The following ZFHX3 variants were observed in gnomAD, a reference collection of about 807,000 sequenced individuals.
ZFHX3 encodes zinc finger homeobox protein 3.
A neutral mutation model predicts 279.1 loss-of-function variants in ZFHX3; 42 were observed. That is an observed-to-expected ratio of 0.15 (90% CI 0.12 to 0.19). The LOEUF is 0.19. ZFHX3 is among the 10% of genes least tolerant of loss of function. The pLI is 1.00. For synonymous variants in ZFHX3, 2,293 were observed against 1,957.8 expected, an observed-to-expected ratio of 1.17 and a Z score of -4.52; for missense variants, 4,981 against 4,754.0, an observed-to-expected ratio of 1.05 and a Z score of -1.40.
At chr16:72,860,233 C>G (rs900466926) in intron 4 of ZFHX3, among the ~76,000 whole-genome samples, 3 of 152,124 alleles carry the variant, frequency 2.0e-5, no homozygotes, top group African/African-American at 7.2e-5. Flanking sequence ...CCCTGCAGAG[C>G]TGGTTCTGGG....
At chr16:73,165,254 G>C (rs910964330) in intron 5 of ZFHX3, among the ~76,000 whole-genome samples, 17 of 152,180 alleles carry the variant, frequency 1.1e-4, no homozygotes, top group Non-Finnish European at 2.1e-4. Context: ...GCCGGCAGCT[G>C]GGAGGAAAAA....
rs1391375433 is a variant in ZFHX3 at position 72,794,003 on chromosome 16, A to C, written c.8679T>G (p.Gly2893=). Reference sequence around the variant, plus strand: ...AAAAGCTCGGGGCCGGGCTGACCAGACCAGATGACAACCGATCTTCATACT... The same window carrying C: ...AAAAGCTCGGGGCCGGGCTGACCAGCCCAGATGACAACCGATCTTCATACT... The part of the protein sequence containing the change: ...MSEYEDRLSS[G]LVSPAPSFYS... Residue 2893 remains glycine (G), a synonymous_variant, in exon 9 of 10, where the codon GGT becomes GGG. Transcript: ENST00000268489. This position sits in a 1 kb window ranked among gnomAD's most constrained non-coding sequence, Gnocchi z 4.2. 10 of 1,614,138 alleles carry C rather than the reference A, an allele frequency of 6.2e-6. No individual in the cohort carries two copies. Among genetic ancestry groups the C allele is most frequent in the Non-Finnish European group, 8.5e-6 (10 of 1,180,014 alleles).
chr16:73,385,312 G>T (rs187783998), intron 3 of ZFHX3, among the ~76,000 whole-genome samples: 28 of 152,170 alleles, frequency 1.8e-4, no homozygotes, highest in African/African-American at 6.5e-4. Context: ...AAAACTTTCC[G>T]TCTGACTGTG....
intron 3 of ZFHX3, among the ~76,000 whole-genome samples, chr16:72,934,353 G>A (rs550398167): frequency 4.4e-4 from 67 of 152,220 alleles, no homozygotes; most frequent in African/African-American, 1.5e-3. Context: ...ACTTGAACCC[G>A]GGAGGCGAAG....
intron 3 of ZFHX3, among the ~76,000 whole-genome samples, chr16:73,341,070 C>T (rs1009957881): frequency 6.6e-6 from 1 of 152,102 alleles, no homozygotes; most frequent in Non-Finnish European, 1.5e-5. Context: ...GAGCCGGATG[C>T]GGTGGCTCAC....
intron 2 of ZFHX3, among the ~76,000 whole-genome samples, chr16:72,951,380 C>T (rs1002343736): frequency 6.6e-6 from 1 of 152,110 alleles, no homozygotes; most frequent in Non-Finnish European, 1.5e-5. Context: ...CCTGCCTCAG[C>T]CTCCCAAGTA....
intron 1 of ZFHX3, among the ~76,000 whole-genome samples, chr16:73,768,092 C>T (rs946175038): frequency 2.6e-5 from 4 of 152,310 alleles, no homozygotes; most frequent in African/African-American, 9.6e-5. Flanking sequence ...AGTGATGCTA[C>T]CAACCCTTGG....
At chr16:73,635,113 A>G (rs1197362017) in intron 2 of ZFHX3, among the ~76,000 whole-genome samples, 1 of 152,178 alleles carries the variant, frequency 6.6e-6, no homozygotes, top group Non-Finnish European at 1.5e-5. Flanking sequence ...GAGGTAGAGG[A>G]GAAAACTCAA....
At chr16:73,068,808 T>C (rs878891027) in intron 8 of ZFHX3, among the ~76,000 whole-genome samples, 4 of 152,316 alleles carry the variant, frequency 2.6e-5, no homozygotes, top group East Asian at 3.9e-4. Flanking sequence ...TCCTGGTCAC[T>C]TGAGTGCTCC....
chr16:73,871,335 G>A (rs867283388), intron 1 of ZFHX3, among the ~76,000 whole-genome samples: 19 of 152,158 alleles, frequency 1.2e-4, no homozygotes, highest in Admixed American at 9.2e-4. Context: ...ATTTTAAACC[G>A]CCTGTCCGCA....
intron 1 of ZFHX3, among the ~76,000 whole-genome samples, chr16:72,983,488 C>G (rs1281263557): frequency 3.9e-5 from 6 of 152,300 alleles, no homozygotes; most frequent in Non-Finnish European, 8.8e-5. Context: ...GGGAGGATCA[C>G]TTGAGCCTGG....
At chr16:73,587,708 T>A (rs556277192) in intron 2 of ZFHX3, among the ~76,000 whole-genome samples, 1 of 152,204 alleles carries the variant, frequency 6.6e-6, no homozygotes, top group East Asian at 1.9e-4. Flanking sequence ...AATAGAGAAA[T>A]AGTAATTGGA....
intron 3 of ZFHX3, among the ~76,000 whole-genome samples, chr16:73,361,820 T>C (rs949895090): frequency 4.6e-5 from 7 of 152,218 alleles, no homozygotes; most frequent in African/African-American, 1.7e-4. Context: ...ACCGCCTTGA[T>C]GTATTTGAAG....
intron 8 of ZFHX3, among the ~76,000 whole-genome samples, chr16:73,088,309 C>A (rs1194595385): frequency 6.6e-6 from 1 of 151,704 alleles, no homozygotes; most frequent in Admixed American, 6.6e-5. Flanking sequence ...CCATGCCCAG[C>A]TAATTTTTGT....
chr16:73,186,640 A>G (rs556118326), intron 5 of ZFHX3, among the ~76,000 whole-genome samples: 53 of 152,060 alleles, frequency 3.5e-4, no homozygotes, highest in African/African-American at 1.2e-3. Context: ...TTCATGAAAA[A>G]CATATCTTTT....
At chr16:73,764,747 T>G (rs2053910325) in intron 1 of ZFHX3, among the ~76,000 whole-genome samples, 1 of 152,148 alleles carries the variant, frequency 6.6e-6, no homozygotes. Flanking sequence ...TAGACAGCCT[T>G]TGTAATACTG....
intron 2 of ZFHX3, among the ~76,000 whole-genome samples, chr16:73,636,847 C>A (rs553006976): frequency 2.0e-5 from 3 of 152,036 alleles, no homozygotes; most frequent in Admixed American, 1.3e-4. Context: ...TAATCTATAA[C>A]TTTAGTATCA....
intron 1 of ZFHX3, among the ~76,000 whole-genome samples, chr16:73,796,755 C>T (rs369327009): frequency 7.9e-5 from 12 of 152,048 alleles, no homozygotes; most frequent in Admixed American, 3.3e-4. Flanking sequence ...GTGGGGACAA[C>T]GACATAAAGA....
intron 2 of ZFHX3, among the ~76,000 whole-genome samples, chr16:73,673,094 C>G (rs1263647839): frequency 2.0e-5 from 3 of 152,024 alleles, no homozygotes; most frequent in African/African-American, 7.2e-5. Context: ...TTAGAAAGAT[C>G]TAAACAACAT....
Sources: gnomAD v4.1 joint callset for allele counts (sites outside exome capture counted in the v4.1 genomes callset) on GRCh38, gnomAD v4.1.1 for gene constraint, Gnocchi (gnomAD v3.1) non-coding constraint, MANE v1.5 for transcripts, NCBI Gene and HGNC (gene_info 2026-07-23, HGNC 2026-07-21) for gene names.